Variants in ADCY2 observed in about 807,000 individuals in gnomAD.
The protein encoded by ADCY2 is adenylate cyclase type 2.
In ADCY2, 31 loss-of-function variants were observed where a neutral mutation model predicts 125.2. The observed-to-expected ratio is 0.25, with a 90% CI of 0.19 to 0.33. The LOEUF (loss-of-function observed/expected upper bound fraction) is 0.33, where lower values mean the gene tolerates loss of function less well. Ranked by LOEUF, ADCY2 falls within the 10% of genes least tolerant of loss-of-function variation. ADCY2 has a pLI of 1.00. For missense variants in ADCY2, 904 were observed against 1,418.2 expected (o/e 0.64, Z 5.82); for synonymous variants, 512 against 548.4 (o/e 0.93, Z 0.93).
chr5:7,471,495 T>C (rs73737394), intron 2 of ADCY2, among the ~76,000 whole-genome samples: 3,480 of 152,096 alleles, frequency 0.023, 133 homozygotes, highest in African/African-American at 0.078. Context: ...CTTATAACAA[T>C]AGACTCCCAA....
At chr5:7,521,008 T>G in intron 3 of ADCY2, 109 bp downstream of exon 3, 7 of 1,334,354 alleles carry the variant, frequency 5.2e-6, no homozygotes, top group Non-Finnish European at 7.3e-6. Context: ...CCTGCAGCTG[T>G]TCCCTTTCTG....
intron 3 of ADCY2, among the ~76,000 whole-genome samples, chr5:7,526,566 A>G (rs1028389252): frequency 2.0e-5 from 3 of 152,218 alleles, no homozygotes; most frequent in Non-Finnish European, 2.9e-5. Context: ...AAGTATCGAA[A>G]TATCATATAT....
intron 3 of ADCY2, among the ~76,000 whole-genome samples, chr5:7,578,206 A>G (rs960625105): frequency 1.3e-5 from 2 of 152,210 alleles, no homozygotes; most frequent in African/African-American, 2.4e-5. Flanking sequence ...AATGTGAATG[A>G]CTTGGTGTTT....
At chr5:7,401,505 C>T (rs1739263819) in intron 1 of ADCY2, among the ~76,000 whole-genome samples, 1 of 152,216 alleles carries the variant, frequency 6.6e-6, no homozygotes, top group Non-Finnish European at 1.5e-5. Context: ...CCTCAATCTT[C>T]ATTCTGTGTA....
At chr5:7,489,355 G>T (rs907066036) in intron 2 of ADCY2, among the ~76,000 whole-genome samples, 8 of 152,134 alleles carry the variant, frequency 5.3e-5, no homozygotes, top group African/African-American at 1.9e-4. Flanking sequence ...GAGTGTTGCA[G>T]TTTCCCTGGT....
At position 7,492,741 on chromosome 5, in the gene ADCY2, C is replaced by T. The variant is rs891527969; in HGVS notation, c.409-27997C>T. On this transcript the variant is annotated intron_variant, in intron 2 of 24. Transcript: ENST00000338316. Reference sequence around the variant, plus strand: ...TTGCAGAGTCGTTTGGGGAGGTTAACGGAGTGGCTTGCAGAGTCCAGTTTG... The same window carrying T: ...TTGCAGAGTCGTTTGGGGAGGTTAATGGAGTGGCTTGCAGAGTCCAGTTTG... Among the ~76,000 whole-genome samples, 9 of 151,016 alleles carry T rather than the reference C, an allele frequency of 6.0e-5. No homozygotes were observed. The East Asian group carries it at 6.0e-4, about 10-fold the overall frequency.
At chr5:7,638,140 T>C (rs1267351251) in intron 4 of ADCY2, among the ~76,000 whole-genome samples, 2 of 152,226 alleles carry the variant, frequency 1.3e-5, no homozygotes, top group Non-Finnish European at 2.9e-5. Context: ...GACAGGAGGT[T>C]AGCAAATCGT....
chr5:7,473,073 G>A (rs994599115), intron 2 of ADCY2, among the ~76,000 whole-genome samples: 1 of 151,782 alleles, frequency 6.6e-6, no homozygotes, highest in African/African-American at 2.4e-5. Flanking sequence ...GTTTCTCAGT[G>A]GTCCTGCACC....
At chr5:7,641,702 G>C (rs1265273012) in intron 4 of ADCY2, among the ~76,000 whole-genome samples, 1 of 152,046 alleles carries the variant, frequency 6.6e-6, no homozygotes, top group Non-Finnish European at 1.5e-5. Flanking sequence ...AGTAGTCCCA[G>C]TGTCTATCGT....
intron 20 of ADCY2, chr5:7,793,631 A>G (rs1744329630): frequency 6.6e-6 from 1 of 152,208 alleles, no homozygotes; most frequent in African/African-American, 2.4e-5. Flanking sequence ...CAGCTCGGAA[A>G]CTTTCCAGGA....
At chr5:7,707,668 T>C in intron 8 of ADCY2, 38 bp from the exon 9 acceptor site, 1 of 1,607,876 alleles carries the variant, frequency 6.2e-7, no homozygotes, top group Non-Finnish European at 8.5e-7. Flanking sequence ...ACACTTATCC[T>C]TTTATGTCTT....
intron 7 of ADCY2, among the ~76,000 whole-genome samples, chr5:7,706,096 A>G (rs1741258926): frequency 6.6e-6 from 1 of 152,242 alleles, no homozygotes; most frequent in Admixed American, 6.5e-5. Context: ...GCCAGCAAGA[A>G]CAAATAAGCA....
intron 2 of ADCY2, among the ~76,000 whole-genome samples, chr5:7,479,063 A>G (rs1333425970): frequency 2.0e-5 from 3 of 152,164 alleles, no homozygotes; most frequent in Non-Finnish European, 2.9e-5. Context: ...GGCAAGAACC[A>G]TAGATTTGCG....
intron 3 of ADCY2, among the ~76,000 whole-genome samples, chr5:7,595,985 C>T (rs1187583727): frequency 6.6e-6 from 1 of 151,936 alleles, no homozygotes; most frequent in African/African-American, 2.4e-5. Flanking sequence ...ACTATAGTAG[C>T]AAATTATATA....
At chr5:7,400,844 C>A (rs1246476666) in intron 1 of ADCY2, among the ~76,000 whole-genome samples, 1 of 152,174 alleles carries the variant, frequency 6.6e-6, no homozygotes, top group Non-Finnish European at 1.5e-5. Context: ...TGTGGTATAA[C>A]AAAGGCCAAG....
intron 19 of ADCY2, 116 bp downstream of exon 19, chr5:7,784,565 C>A: frequency 1.4e-6 from 1 of 693,780 alleles, no homozygotes; most frequent in Non-Finnish European, 2.4e-6. Context: ...GAATTAGAAT[C>A]ATCTTATCAC....
At chr5:7,789,836 C>G in intron 20 of ADCY2, 36 bp downstream of exon 20, 1 of 1,440,418 alleles carries the variant, frequency 6.9e-7, no homozygotes, top group Non-Finnish European at 9.2e-7. Context: ...GGGGAGGGGG[C>G]TGGATGCCAT....
chr5:7,548,850 T>C (rs1735234183), intron 3 of ADCY2, among the ~76,000 whole-genome samples: 1 of 152,164 alleles, frequency 6.6e-6, no homozygotes, highest in African/African-American at 2.4e-5. Context: ...AAATTAAAAA[T>C]AAACATGCAA....
intron 2 of ADCY2, among the ~76,000 whole-genome samples, chr5:7,497,351 G>A (rs899661872): frequency 3.3e-5 from 5 of 152,088 alleles, no homozygotes; most frequent in African/African-American, 1.2e-4. Context: ...ATGGATAGCT[G>A]GAACAGAAAT....
Sources: gnomAD v4.1 joint callset for allele counts (sites outside exome capture counted in the v4.1 genomes callset) on GRCh38, gnomAD v4.1.1 for gene constraint, MANE v1.5 for transcripts, NCBI Gene and HGNC (gene_info 2026-07-23, HGNC 2026-07-21) for gene names.